ADGRL2: variants seen among roughly 807,000 people sequenced by gnomAD.
ADGRL2 encodes adhesion G protein-coupled receptor L2, also known as calcium-independent alpha-latrotoxin receptor 2.
ADGRL2 carries 44 observed loss-of-function variants against 157.4 expected under a neutral mutation model. The observed-to-expected ratio is 0.28, with a 90% CI of 0.22 to 0.36. The LOEUF (loss-of-function observed/expected upper bound fraction) is 0.36. ADGRL2 is among the 10% of genes least tolerant of loss of function. The pLI is 1.00. For missense variants in ADGRL2, 1,510 were observed against 1,768.9 expected, an observed-to-expected ratio of 0.85 and a Z score of 2.63; for synonymous variants, 585 against 624.7, an observed-to-expected ratio of 0.94 and a Z score of 0.95.
At chr1:81,487,850 C>T (rs2078542321) in intron 2 of ADGRL2, among the ~76,000 whole-genome samples, 1 of 152,094 alleles carries the variant, frequency 6.6e-6, no homozygotes, top group Non-Finnish European at 1.5e-5. Context: ...GTATGTCAGT[C>T]TACTGTAATT....
chr1:81,464,314 TCCCCCCAACCC>T (rs1486217265), intron 2 of ADGRL2, among the ~76,000 whole-genome samples: 1 of 151,676 alleles, frequency 6.6e-6, no homozygotes, highest in Non-Finnish European at 1.5e-5. Flanking sequence ...ACGCACTCCA[TCCCCCCAACCC>T]CCACCCATCT....
intron 1 of ADGRL2, among the ~76,000 whole-genome samples, chr1:81,834,192 T>G (rs2092139364): frequency 6.6e-6 from 1 of 152,172 alleles, no homozygotes; most frequent in Admixed American, 6.5e-5. Flanking sequence ...CTCCCCCACT[T>G]CATCCTAAGC....
chr1:81,788,621 G>T (rs1325535758), intron 2 of ADGRL2, among the ~76,000 whole-genome samples: 1 of 152,176 alleles, frequency 6.6e-6, no homozygotes, highest in Non-Finnish European at 1.5e-5. Flanking sequence ...GGCACGTTTA[G>T]TTTAGAAGGT....
chr1:81,804,826 T>A (rs2088860006), intron 1 of ADGRL2, among the ~76,000 whole-genome samples: 1 of 152,170 alleles, frequency 6.6e-6, no homozygotes. Context: ...ACTTAATTAG[T>A]TTTTAATTAG....
chr1:81,986,057 T>A (rs1663053783), intron 21 of ADGRL2, among the ~76,000 whole-genome samples: 1 of 152,054 alleles, frequency 6.6e-6, no homozygotes, highest in African/African-American at 2.4e-5. Context: ...TCATTTAAAA[T>A]GGAAAAAGGT....
intron 3 of ADGRL2, among the ~76,000 whole-genome samples, chr1:81,581,809 A>G (rs542064301): frequency 3.5e-4 from 53 of 151,874 alleles, no homozygotes; most frequent in African/African-American, 1.2e-3. Context: ...AAGTGCCTGA[A>G]CTTTCAAGAC....
chr1:81,912,662 A>C (rs2094758210), intron 3 of ADGRL2, among the ~76,000 whole-genome samples: 1 of 151,076 alleles, frequency 6.6e-6, no homozygotes, highest in Non-Finnish European at 1.5e-5. Flanking sequence ...GCAGAGGTAA[A>C]ATTGCCATAA....
intron 1 of ADGRL2, among the ~76,000 whole-genome samples, chr1:81,830,987 A>G (rs2091905155): frequency 6.6e-6 from 1 of 151,386 alleles, no homozygotes; most frequent in Non-Finnish European, 1.5e-5. Flanking sequence ...GATTCGGGGA[A>G]TGGCCAGTAA....
intron 1 of ADGRL2, among the ~76,000 whole-genome samples, chr1:81,754,130 G>A (rs776489142): frequency 6.6e-6 from 1 of 151,864 alleles, no homozygotes; most frequent in African/African-American, 2.4e-5. Context: ...ATGCCAATAA[G>A]GCTTCTTGGA....
chr1:81,434,675 T>C (rs1463885108), intron 1 of ADGRL2, among the ~76,000 whole-genome samples: 1 of 152,196 alleles, frequency 6.6e-6, no homozygotes, highest in Non-Finnish European at 1.5e-5. Flanking sequence ...TATTTAAATA[T>C]ATTAAAAATT....
intron 1 of ADGRL2, among the ~76,000 whole-genome samples, chr1:81,399,263 C>A (rs1220405526): frequency 6.6e-6 from 1 of 152,186 alleles, no homozygotes; most frequent in Non-Finnish European, 1.5e-5. Flanking sequence ...CCAGGCTCTG[C>A]CTCCAATTCA....
chr1:81,441,349 T>C (rs2077504082), intron 1 of ADGRL2, among the ~76,000 whole-genome samples: 1 of 152,206 alleles, frequency 6.6e-6, no homozygotes, highest in Admixed American at 6.5e-5. Flanking sequence ...CTACCTAAAT[T>C]GGATTTCTGG....
At chr1:81,449,466 A>T (rs1463091466) in intron 2 of ADGRL2, among the ~76,000 whole-genome samples, 2 of 152,236 alleles carry the variant, frequency 1.3e-5, no homozygotes, top group Non-Finnish European at 2.9e-5. Context: ...TCCCACCAAA[A>T]TCCCCGGTGT....
intron 1 of ADGRL2, among the ~76,000 whole-genome samples, chr1:81,322,109 T>TATATATACAC (rs71592379): frequency 2.5e-4 from 33 of 129,850 alleles, no homozygotes; most frequent in Admixed American, 4.1e-4. Flanking sequence ...TATATATATA[T>TATATATACAC]ACACATATAT....
intron 1 of ADGRL2, among the ~76,000 whole-genome samples, chr1:81,747,311 T>TTTTTTC (rs2085331566): frequency 6.7e-6 from 1 of 149,664 alleles, no homozygotes; most frequent in African/African-American, 2.5e-5. Context: ...ATATATATTT[T>TTTTTTC]TTTTTTTGAG....
intron 2 of ADGRL2, among the ~76,000 whole-genome samples, chr1:81,499,208 G>A (rs1310160747): frequency 6.6e-6 from 1 of 152,246 alleles, no homozygotes; most frequent in African/African-American, 2.4e-5. Context: ...AAATTACAAT[G>A]TTATACTCTT....
chr1:81,441,167 G>A (rs1013562424), intron 1 of ADGRL2, among the ~76,000 whole-genome samples: 4 of 151,954 alleles, frequency 2.6e-5, no homozygotes, highest in African/African-American at 9.7e-5. Context: ...AGTAAATTTA[G>A]TACTATTATT....
At chr1:81,607,170 A>G (rs745662247) in intron 3 of ADGRL2, among the ~76,000 whole-genome samples, 4 of 152,220 alleles carry the variant, frequency 2.6e-5, no homozygotes, top group Non-Finnish European at 5.9e-5. Flanking sequence ...TAGTATACAT[A>G]TGGCATAGAA....
At chr1:81,381,488 G>A (rs1029303571) in intron 1 of ADGRL2, among the ~76,000 whole-genome samples, 2 of 152,062 alleles carry the variant, frequency 1.3e-5, no homozygotes, top group Non-Finnish European at 2.9e-5. Context: ...AGGCGGGAAG[G>A]ATCACTAGAG....
Sources: gnomAD v4.1 joint callset for allele counts (sites outside exome capture counted in the v4.1 genomes callset) on GRCh38, gnomAD v4.1.1 for gene constraint, MANE v1.5 for transcripts, NCBI Gene and HGNC (gene_info 2026-07-23, HGNC 2026-07-21) for gene names.